LIG1: variants seen among roughly 807,000 people sequenced by gnomAD.
LIG1 encodes ligase I, DNA, ATP-dependent.
In LIG1, 70 loss-of-function variants were observed where a neutral mutation model predicts 115.7. The ratio of observed to expected loss-of-function variants is 0.60; its 90% CI spans 0.50 to 0.74. The LOEUF is 0.74. Ranked by LOEUF, LIG1 falls within the 30% of genes least tolerant of loss-of-function variation. The probability of loss-of-function intolerance (pLI) is 0.00; values close to 1 mark genes in which losing one functional copy is unlikely to be tolerated. For missense variants in LIG1, 1,115 were observed against 1,225.6 expected (o/e 0.91, Z 1.35); for synonymous variants, 487 against 495.3 (o/e 0.98, Z 0.22).
At chr19:48,168,701 G>C (rs1467972267) in intron 1 of LIG1, among the ~76,000 whole-genome samples, 1 of 152,080 alleles carries the variant, frequency 6.6e-6, no homozygotes, top group Non-Finnish European at 1.5e-5. Context: ...TATTGTTCAG[G>C]GTTAAAATTA....
intron 15 of LIG1, 54 bp from the exon 16 acceptor site, chr19:48,135,833 C>T: frequency 6.7e-7 from 1 of 1,492,614 alleles, no homozygotes. Flanking sequence ...TTGGCTACAC[C>T]AGGGTGCAGT....
chr19:48,133,166 G>T, intron 17 of LIG1, 69 bp from the exon 18 acceptor site: 1 of 1,031,064 alleles, frequency 9.7e-7, no homozygotes, highest in Non-Finnish European at 1.5e-6. Flanking sequence ...ATGGAGAGGA[G>T]AACTGCTAAT....
chr19:48,137,018 AC>A lies in LIG1; in HGVS notation c.1320del (p.Phe441SerfsTer6). On this transcript the variant is annotated frameshift_variant, in exon 14 of 28. Coordinates refer to ENST00000263274, the MANE Select transcript of LIG1 (RefSeq NM_000234.3). LOFTEE classifies it high-confidence loss of function. The surrounding 1 kb of genome is among the most constrained non-coding windows in gnomAD (Gnocchi z 4.3). ...GGCCCACACGCTTACCTAGCGATGA[AC>A]CGGGCTTCTGAGTGGCGGCAGGCCA... ...LFVACRHSEARFIARSLSGRL... is the reference protein window; with the variant it reads ...LFVACRHSEAXFIARSLSGRL... 6.2e-7 allele frequency: 1 copy of A among 1,612,608 alleles called. No individual in the cohort carries two copies.
chr19:48,155,586 G>C (rs1232948285), intron 5 of LIG1, among the ~76,000 whole-genome samples: 2 of 152,090 alleles, frequency 1.3e-5, no homozygotes, highest in Admixed American at 1.3e-4. Flanking sequence ...GGAAAGATCT[G>C]GCAAGCCACG....
At chr19:48,123,362 G>A (rs756981021) in intron 21 of LIG1, 44 bp from the exon 22 acceptor site, 2 of 1,602,556 alleles carry the variant, frequency 1.2e-6, no homozygotes, top group Admixed American at 1.7e-5. Flanking sequence ...ATCTTTGTGA[G>A]AATAAAGACA....
chr19:48,125,605 C>A (rs1207472641), intron 21 of LIG1, among the ~76,000 whole-genome samples: 4 of 152,304 alleles, frequency 2.6e-5, no homozygotes, highest in Admixed American at 2.6e-4. Flanking sequence ...ACGCGGCCAA[C>A]AAACCTGAAA....
rs377262906 is a variant in LIG1, at chr19:48,164,621, G to A, written c.17+929C>T. Among the ~76,000 whole-genome samples, 27 of 152,372 alleles carry A rather than the reference G, an allele frequency of 1.8e-4. No individual in the cohort carries two copies. In the South Asian group the frequency reaches 5.4e-3, roughly 30 times the overall value. ...GGGGACCGCTAAGAGGGGAGAGCCC[G>A]CCTGAGGGTGAGGACAACCTCAAGG... On this transcript the variant is annotated intron_variant, in intron 2 of 27. Transcript: ENST00000263274.
chr19:48,120,288 T>C, intron 24 of LIG1: 1 of 985,444 alleles, frequency 1.0e-6, no homozygotes, highest in Non-Finnish European at 1.2e-6. Flanking sequence ...CAGGTCCTGT[T>C]GCCATATTGC....
chr19:48,165,453 GTTTT>G (rs2036427358), intron 2 of LIG1, 93 bp downstream of exon 2: 1 of 1,043,108 alleles, frequency 9.6e-7, no homozygotes, highest in Non-Finnish European at 1.5e-6. Context: ...TAACGTAAGA[GTTTT>G]TGTTTGTTTG....
intron 25 of LIG1, chr19:48,117,992 A>G (rs1568473016): frequency 1.6e-6 from 1 of 611,446 alleles, no homozygotes; most frequent in Non-Finnish European, 2.9e-6. Context: ...AGAAGGGAAA[A>G]GAAACAAGAC....
At chr19:48,132,369 C>CGAGAAGA (rs2034081322) in intron 18 of LIG1, among the ~76,000 whole-genome samples, 1 of 152,122 alleles carries the variant, frequency 6.6e-6, no homozygotes, top group African/African-American at 2.4e-5. Flanking sequence ...AGGCACCTCC[C>CGAGAAGA]AGAACGGCTG....
intron 2 of LIG1, among the ~76,000 whole-genome samples, chr19:48,163,386 TA>T (rs1369793637): frequency 2.6e-5 from 4 of 152,068 alleles, no homozygotes; most frequent in African/African-American, 9.7e-5. Flanking sequence ...CACGCCCGGC[TA>T]ATTTTTTTCA....
intron 6 of LIG1, 134 bp downstream of exon 6, chr19:48,153,738 T>TCACACA (rs10625177): frequency 6.5e-5 from 27 of 415,882 alleles, no homozygotes; most frequent in Admixed American, 1.4e-4. Context: ...CCTCTTGGCT[T>TCACACA]CACACACACA....
chr19:48,135,700 C>T lies in LIG1; in HGVS notation c.1503G>A (p.Met501Ile), dbSNP rs1266704708. The part of the protein sequence containing the change: ...ARKTWLEEQG[M>I]ILKQTFCEVP... ...CTCACCAGAACGTCTGCTTCAGGAT[C>T]ATGCCTTGCTCCTCCAGCCACGTCT... Residue 501 changes from methionine to isoleucine, a missense_variant, in exon 16 of 28, where the codon ATG (methionine) becomes ATA (isoleucine). By Grantham distance (10) the Met-to-Ile change is conservative. Coordinates refer to ENST00000263274, the MANE Select transcript of LIG1 (RefSeq NM_000234.3). 1 of 1,613,992 alleles carries T rather than the reference C, an allele frequency of 6.2e-7. No homozygotes were observed. The highest frequency in any genetic ancestry group is 1.3e-5 in the African/African-American group (1 of 74,924).
At chr19:48,163,719 G>A (rs191297760) in intron 2 of LIG1, among the ~76,000 whole-genome samples, 14 of 152,062 alleles carry the variant, frequency 9.2e-5, no homozygotes, top group Admixed American at 2.6e-4. Context: ...CGAGGTGGGC[G>A]GATCACGAGG....
At chr19:48,125,279 C>G (rs987925291) in intron 21 of LIG1, among the ~76,000 whole-genome samples, 9 of 152,114 alleles carry the variant, frequency 5.9e-5, no homozygotes, top group Non-Finnish European at 1.3e-4. Context: ...TGCAGAAAAA[C>G]CCACAAAGTA....
chr19:48,145,284 G>A (rs990006042), intron 9 of LIG1, among the ~76,000 whole-genome samples: 6 of 152,230 alleles, frequency 3.9e-5, no homozygotes, highest in Admixed American at 6.5e-5. Flanking sequence ...GCTCTGCCCC[G>A]GCCAGCTGTA....
intron 2 of LIG1, 108 bp downstream of exon 2, chr19:48,165,442 C>G: frequency 1.1e-6 from 1 of 936,586 alleles, no homozygotes; most frequent in Non-Finnish European, 1.8e-6. Context: ...AACTCAAAAT[C>G]TAACGTAAGA....
chr19:48,126,331 C>T (rs188684286), intron 21 of LIG1, among the ~76,000 whole-genome samples: 26 of 152,180 alleles, frequency 1.7e-4, no homozygotes, highest in Admixed American at 7.9e-4. Context: ...CAAGGCCAGG[C>T]GTGGTGGTTC....
Sources: gnomAD v4.1 joint callset for allele counts (sites outside exome capture counted in the v4.1 genomes callset) on GRCh38, gnomAD v4.1.1 for gene constraint, Gnocchi (gnomAD v3.1) non-coding constraint, MANE v1.5 for transcripts, NCBI Gene and HGNC (gene_info 2026-07-23, HGNC 2026-07-21) for gene names.